The following GALNT14 variants were observed in gnomAD, a reference collection of about 807,000 sequenced individuals.
GALNT14 encodes UDP-GalNAc:polypeptide N-acetylgalactosaminyltransferase 14.
In GALNT14, 60 loss-of-function variants were observed where a neutral mutation model predicts 77.5. The observed-to-expected ratio is 0.77, with a 90% CI of 0.63 to 0.96. GALNT14 has a LOEUF of 0.96. Among genes scored for constraint, GALNT14 ranks in the 40% least tolerant of loss-of-function variants. GALNT14 has a pLI of 0.00. For missense variants in GALNT14, 710 were observed against 731.0 expected (o/e 0.97, Z 0.33); for synonymous variants, 280 against 281.7 (o/e 0.99, Z 0.06).
chr2:30,887,037 C>T, the GALNT14 span, among the ~76,000 whole-genome samples: 1 of 152,220 alleles, frequency 6.6e-6, no homozygotes, highest in South Asian at 2.1e-4. Flanking sequence ...TCATCCACAT[C>T]GTAGCATGTA....
At chr2:30,942,106 C>T in intron 9 of GALNT14, 95 bp downstream of exon 9, 1 of 790,190 alleles carries the variant, frequency 1.3e-6, no homozygotes, top group Non-Finnish European at 2.1e-6. Flanking sequence ...CACTCTCTGA[C>T]AGCTTGGTGT....
At chr2:30,896,629 G>A in the GALNT14 span, among the ~76,000 whole-genome samples, 4 of 152,114 alleles carry the variant, frequency 2.6e-5, no homozygotes, top group African/African-American at 7.2e-5. Context: ...TGGTTGCTAC[G>A]CTACTAGTAT....
rs754198187 is a variant in GALNT14 at position 31,138,132 on chromosome 2, AC to A, written c.-47del. ...CTCCGCGGCGCTACGTCCCGGGGGC[AC>A]CCCCCGGCGGTCAGGGTTGGCGGGG... On this transcript the variant is annotated 5_prime_UTR_variant, in exon 1 of 15. Transcript: ENST00000349752. 9 of 1,610,552 alleles carry A rather than the reference AC, an allele frequency of 5.6e-6. No homozygotes were observed. The highest frequency in any genetic ancestry group is 4.5e-5 in the East Asian group (2 of 44,706).
chr2:31,006,915 T>C lies in GALNT14; in HGVS notation c.130-13908A>G, dbSNP rs568976478. Among the ~76,000 whole-genome samples, 4 of 152,312 alleles carry C rather than the reference T, an allele frequency of 2.6e-5. No homozygotes were observed. The South Asian group carries it at 6.2e-4, about 24-fold the overall frequency. On this transcript the variant is annotated intron_variant, in intron 1 of 14. Coordinates refer to ENST00000349752, the MANE Select transcript of GALNT14 (RefSeq NM_024572.4). ...GGGGAGGATAGATCTCCCCAGATAG[T>C]ATGTACAGCAAGGGCCCAGAGCTTA...
At chr2:31,043,670 T>C (rs919119090) in intron 1 of GALNT14, among the ~76,000 whole-genome samples, 1 of 150,584 alleles carries the variant, frequency 6.6e-6, no homozygotes, top group African/African-American at 2.4e-5. Flanking sequence ...TTTTTTTTTT[T>C]AGTGCTTTTC....
chr2:31,081,515 T>A (rs1676154290), intron 1 of GALNT14, among the ~76,000 whole-genome samples: 1 of 152,222 alleles, frequency 6.6e-6, no homozygotes, highest in South Asian at 2.1e-4. Context: ...CTCAAACAGT[T>A]CAATTTATCT....
chr2:30,887,057 T>C, the GALNT14 span, among the ~76,000 whole-genome samples: 1 of 152,250 alleles, frequency 6.6e-6, no homozygotes, highest in Non-Finnish European at 1.5e-5. Flanking sequence ...ATCAGTACTT[T>C]ACTACTTTTC....
intron 2 of GALNT14, among the ~76,000 whole-genome samples, chr2:30,983,142 G>A (rs1055112182): frequency 6.6e-6 from 1 of 152,106 alleles, no homozygotes; most frequent in Admixed American, 6.5e-5. Flanking sequence ...ACGGGCCAGG[G>A]CTTATTTTCA....
intron 8 of GALNT14, 84 bp downstream of exon 8, chr2:30,944,774 C>T (rs1666584343): frequency 1.9e-6 from 2 of 1,061,818 alleles, no homozygotes; most frequent in Admixed American, 4.7e-5. Context: ...GATGCTTTGA[C>T]ATCTGATATT....
intron 10 of GALNT14, among the ~76,000 whole-genome samples, chr2:30,931,593 TC>T (rs1665731556): frequency 6.6e-6 from 1 of 151,908 alleles, no homozygotes; most frequent in Non-Finnish European, 1.5e-5. Flanking sequence ...ACCCTTTGAC[TC>T]TGCTGGCCAG....
intron 1 of GALNT14, among the ~76,000 whole-genome samples, chr2:31,082,998 C>A (rs10178131): frequency 0.059 from 8,968 of 152,094 alleles, 272 homozygotes; most frequent in South Asian, 0.085. Context: ...AGCCTGGTGA[C>A]AGAGTATGAC....
At chr2:31,016,749 A>G (rs1671391320) in intron 1 of GALNT14, among the ~76,000 whole-genome samples, 1 of 152,280 alleles carries the variant, frequency 6.6e-6, no homozygotes, top group East Asian at 1.9e-4. Context: ...ACTATGAGAT[A>G]CATCCTTGCA....
chr2:31,066,238 C>G (rs573572518), intron 1 of GALNT14, among the ~76,000 whole-genome samples: 3 of 152,312 alleles, frequency 2.0e-5, no homozygotes, highest in Admixed American at 1.3e-4. Flanking sequence ...TGTAGGCCCC[C>G]CCAGAGGCCA....
At chr2:31,038,090 T>A (rs1476626301) in intron 1 of GALNT14, among the ~76,000 whole-genome samples, 4,458 of 58,558 alleles carry the variant, frequency 0.076, 251 homozygotes, top group Non-Finnish European at 0.094. Flanking sequence ...ATATATTTTT[T>A]TTTTTTTTTT....
chr2:30,920,629 C>T (rs897159899), intron 13 of GALNT14, among the ~76,000 whole-genome samples: 9 of 122,982 alleles, frequency 7.3e-5, no homozygotes, highest in Admixed American at 6.5e-4. Flanking sequence ...AGAGTGTATG[C>T]TACACACACA....
At chr2:31,123,218 T>C (rs1471149926) in intron 1 of GALNT14, among the ~76,000 whole-genome samples, 1 of 149,500 alleles carries the variant, frequency 6.7e-6, no homozygotes, top group Non-Finnish European at 1.5e-5. Flanking sequence ...TGATGGACCA[T>C]GGAGTCTGAA....
chr2:31,113,837 G>C (rs1677961664), intron 1 of GALNT14, among the ~76,000 whole-genome samples: 1 of 150,616 alleles, frequency 6.6e-6, no homozygotes, highest in South Asian at 2.1e-4. Flanking sequence ...AGTCTCTTGG[G>C]TAACTGCCAA....
chr2:31,129,094 C>G (rs1371107437), intron 1 of GALNT14, among the ~76,000 whole-genome samples: 1 of 152,188 alleles, frequency 6.6e-6, no homozygotes, highest in African/African-American at 2.4e-5. Flanking sequence ...TATATTTCAT[C>G]TTCCCTGGCA....
chr2:30,926,216 A>T (rs1017690225), intron 11 of GALNT14, among the ~76,000 whole-genome samples: 1 of 152,204 alleles, frequency 6.6e-6, no homozygotes, highest in South Asian at 2.1e-4. Flanking sequence ...TGCTCAGTGC[A>T]TGATGGTGCA....
Sources: gnomAD v4.1 joint callset for allele counts (sites outside exome capture counted in the v4.1 genomes callset) on GRCh38, gnomAD v4.1.1 for gene constraint, MANE v1.5 for transcripts, NCBI Gene and HGNC (gene_info 2026-07-23, HGNC 2026-07-21) for gene names.